C5: variants seen among roughly 807,000 people sequenced by gnomAD.
The protein encoded by C5 is C3 and PZP-like alpha-2-macroglobulin domain-containing protein 4.
A neutral mutation model predicts 218.8 loss-of-function variants in C5; 140 were observed. That is an observed-to-expected ratio of 0.64 (90% confidence interval 0.56 to 0.74). C5 has a LOEUF of 0.74. Ranked by LOEUF, C5 falls within the 30% of genes least tolerant of loss-of-function variation. The pLI, the probability that C5 is intolerant of heterozygous loss-of-function variation, is 0.00. For synonymous variants in C5, 614 were observed against 682.3 expected (o/e 0.90, Z 1.56); for missense variants, 1,700 against 1,969.6 (o/e 0.86, Z 2.59).
the C5 span, among the ~76,000 whole-genome samples, chr9:121,070,392 T>TATAG: frequency 2.3e-5 from 1 of 44,398 alleles, no homozygotes; most frequent in African/African-American, 5.1e-5. Context: ...GTGATATATA[T>TATAG]ATATATATAT....
chr9:120,980,616 A>T (rs919644101), intron 27 of C5, among the ~76,000 whole-genome samples: 2 of 151,886 alleles, frequency 1.3e-5, no homozygotes, highest in Non-Finnish European at 2.9e-5. Context: ...TTTGAGACGG[A>T]GTCTCGCTCT....
intron 39 of C5, among the ~76,000 whole-genome samples, chr9:120,956,030 TCA>T (rs1564129610): frequency 6.6e-6 from 1 of 151,950 alleles, no homozygotes; most frequent in East Asian, 1.9e-4. Flanking sequence ...GCACGGTGGC[TCA>T]CACACGTAAT....
chr9:121,066,550 G>A, the C5 span, among the ~76,000 whole-genome samples: 1 of 151,516 alleles, frequency 6.6e-6, no homozygotes, highest in African/African-American at 2.4e-5. Context: ...ATGCACTTAC[G>A]AACATAGCTT....
chr9:120,981,208 C>G (rs1448624987), intron 27 of C5, among the ~76,000 whole-genome samples: 2 of 152,214 alleles, frequency 1.3e-5, no homozygotes, highest in African/African-American at 4.8e-5. Context: ...TGCCTGGGAA[C>G]TAGTCTTCAT....
At chr9:121,014,262 G>A (rs2047288095) in intron 16 of C5, among the ~76,000 whole-genome samples, 192 bp from the exon 17 acceptor site, 1 of 152,062 alleles carries the variant, frequency 6.6e-6, no homozygotes, top group African/African-American at 2.4e-5. Flanking sequence ...TTACCAAATG[G>A]TCCATTCCAG....
At position 120,969,148 on chromosome 9, in the gene C5, C is replaced by T. The variant is rs559979804; in HGVS notation, c.4163-30G>A. On this transcript the variant is annotated intron_variant, in intron 32 of 40. Coordinates refer to ENST00000223642, the MANE Select transcript of C5 (RefSeq NM_001735.3). ...CACATAAGACAAGAAAACAAACAGA[C>T]AAATATAAGAGTAAACTGTTTTCAG... is the stretch of plus-strand genomic sequence containing the variant. The T allele has an allele frequency of 5.8e-5, 93 of 1,592,078 alleles. No homozygotes were observed. The South Asian group carries it at 9.0e-4, about 15-fold the overall frequency.
At chr9:121,015,143 C>T (rs1411774089) in intron 16 of C5, 56 bp downstream of exon 16, 4 of 1,095,118 alleles carry the variant, frequency 3.7e-6, no homozygotes, top group African/African-American at 1.6e-5. Context: ...TAATTTTGTC[C>T]AGTTTTTGAA....
intron 6 of C5, among the ~76,000 whole-genome samples, chr9:121,031,257 G>A (rs372985242): frequency 8.6e-5 from 13 of 151,278 alleles, no homozygotes; most frequent in Non-Finnish European, 1.2e-4. Flanking sequence ...AACTATTTAC[G>A]TTACTTGTTA....
chr9:121,013,798 G>T, intron 17 of C5, 75 bp downstream of exon 17: 1 of 1,235,814 alleles, frequency 8.1e-7, no homozygotes, highest in Non-Finnish European at 1.2e-6. Context: ...CATGAAAACT[G>T]CCTTTCTTAG....
chr9:121,029,682 G>C lies in C5; in HGVS notation c.758+715C>G, dbSNP rs139900152. 1.5e-3 allele frequency among the ~76,000 whole-genome samples: 229 copies of C among 152,252 alleles called. 6 individuals are homozygous for C. In the East Asian group the frequency reaches 0.036, roughly 24 times the overall value. On this transcript the variant is annotated intron_variant, in intron 7 of 40. Transcript: ENST00000223642. ...CCTTGTGTCCACAAAGTGTGGGAGG[G>C]GTCTATTTCCTCTGGGCTGACCTTG...
rs865944486 is a variant in C5 at position 121,018,724 on chromosome 9, A to G, written c.1507-872T>C. On this transcript the variant is annotated intron_variant, in intron 12 of 40. Transcript: ENST00000223642. Reference sequence around the variant, plus strand: ...AGAAAGAAAGAAAAGAAAGAAAGAAAGAAGGAAGGAAGGAAGGAAAGGAAG... The same window carrying G: ...AGAAAGAAAGAAAAGAAAGAAAGAAGGAAGGAAGGAAGGAAGGAAAGGAAG... Among the ~76,000 whole-genome samples, 240 of 109,370 alleles carry G rather than the reference A, an allele frequency of 2.2e-3. 3 individuals are homozygous for G. Among genetic ancestry groups the G allele is most frequent in the Admixed American group, 3.8e-3 (40 of 10,476 alleles). 71.8% of individuals were successfully genotyped at this position (109,370 alleles called of 152,430 possible).
At chr9:121,020,980 A>G (rs1402778180) in intron 11 of C5, among the ~76,000 whole-genome samples, 1 of 152,238 alleles carries the variant, frequency 6.6e-6, no homozygotes, top group Non-Finnish European at 1.5e-5. Flanking sequence ...TGCTGCAGTC[A>G]TTGGCCTATG....
chr9:121,054,945 C>T (rs1278990357), upstream of C5, among the ~76,000 whole-genome samples: 2 of 152,084 alleles, frequency 1.3e-5, no homozygotes, highest in East Asian at 3.9e-4. Context: ...GAGGATTCAT[C>T]AACGTAACAA....
intron 24 of C5, among the ~76,000 whole-genome samples, chr9:120,989,325 G>A (rs1217488759): frequency 5.3e-5 from 8 of 152,152 alleles, no homozygotes; most frequent in Admixed American, 4.6e-4. Context: ...GATCTCATTC[G>A]AAAAGGAAGG....
chr9:120,963,817 A>G, intron 33 of C5, 79 bp from the exon 34 acceptor site: 1 of 1,088,626 alleles, frequency 9.2e-7, no homozygotes, highest in Non-Finnish European at 1.4e-6. Context: ...TCCTTAGTAG[A>G]CCTTAATTTT....
At chr9:121,053,420 C>T (rs771447919), upstream of C5, among the ~76,000 whole-genome samples, 4 of 152,100 alleles carry the variant, frequency 2.6e-5, no homozygotes, top group Non-Finnish European at 5.9e-5. Flanking sequence ...CTGGAGGCTT[C>T]GGTGCCAGCA....
At chr9:121,004,023 C>T (rs1442540180) in intron 20 of C5, among the ~76,000 whole-genome samples, 1 of 152,084 alleles carries the variant, frequency 6.6e-6, no homozygotes, top group Admixed American at 6.5e-5. Context: ...CGCCTGCCAC[C>T]AAGCCTGGCT....
chr9:121,072,117 G>A, the C5 span, among the ~76,000 whole-genome samples: 1 of 152,130 alleles, frequency 6.6e-6, no homozygotes, highest in African/African-American at 2.4e-5. Flanking sequence ...TAGAGATGAT[G>A]CTAGACACCA....
chr9:120,976,941 A>C, intron 28 of C5, 36 bp from the exon 29 acceptor site: 1 of 1,545,156 alleles, frequency 6.5e-7, no homozygotes, highest in Non-Finnish European at 8.9e-7. Context: ...TAATATGATT[A>C]AAAATGTGAA....
Sources: allele counts gnomAD v4.1 joint callset (sites outside exome capture counted in the v4.1 genomes callset), GRCh38; gene constraint gnomAD v4.1.1; transcripts MANE v1.5; gene names NCBI Gene and HGNC (gene_info 2026-07-23, HGNC 2026-07-21).